TEX22: variants seen among roughly 807,000 people sequenced by gnomAD.
TEX22 encodes the protein testis expressed 22, also known as testis-expressed protein 22.
Under a neutral mutation model 11.3 loss-of-function variants are expected in TEX22, and 16 were observed. That is an observed-to-expected ratio of 1.42 (90% CI 0.96 to 2.15). The LOEUF is 2.15. Ranked by LOEUF, TEX22 falls within the 30% of genes most tolerant of loss-of-function variation. The probability of loss-of-function intolerance (pLI) is 0.00; values close to 1 mark genes in which losing one functional copy is unlikely to be tolerated. For missense variants in TEX22, 220 were observed against 208.6 expected, an observed-to-expected ratio of 1.05 and a Z score of -0.34; for synonymous variants, 97 against 92.3, an observed-to-expected ratio of 1.05 and a Z score of -0.29.
chr14:105,399,198 C>G (rs1444491534), intron 1 of TEX22, 104 bp from the exon 2 acceptor site: 1 of 675,128 alleles, frequency 1.5e-6, no homozygotes, highest in Non-Finnish European at 2.5e-6. Context: ...GTGACCCTAG[C>G]AGACCGCGAT....
At chr14:105,407,069 A>ATTTTT (rs10715186) in intron 2 of TEX22, among the ~76,000 whole-genome samples, 1 of 116,172 alleles carries the variant, frequency 8.6e-6, no homozygotes, top group African/African-American at 3.0e-5. Flanking sequence ...TAATTTCTTA[A>ATTTTT]TTTTTTTTTT....
At chr14:105,410,006 C>T (rs1181551224) in intron 2 of TEX22, among the ~76,000 whole-genome samples, 1 of 152,142 alleles carries the variant, frequency 6.6e-6, no homozygotes, top group African/African-American at 2.4e-5. Flanking sequence ...TGGCCTCAAG[C>T]GATCCTCCTG....
rs1013648950 is a variant in TEX22 at position 105,412,022 on chromosome 14, T to C, written c.*189T>C. 2.0e-6 allele frequency: 1 copy of C among 510,864 alleles called. No individual in the cohort carries two copies. The highest frequency in any genetic ancestry group is 3.5e-5 in the South Asian group (1 of 28,894). 31.6% of individuals were successfully genotyped at this position (510,864 alleles called of 1,614,324 possible). On this transcript the variant is annotated 3_prime_UTR_variant, in exon 4 of 4. Coordinates refer to ENST00000451127, the MANE Select transcript of TEX22 (RefSeq NM_001195082.2). This position sits in a 1 kb window ranked among gnomAD's most constrained non-coding sequence, Gnocchi z 5.8. Reference sequence around the variant, plus strand: ...AGGCCTTGGAGACCGGGCTAGGGGCTATGGGAGGCCATCTAGGGGAGGGGA... The same window carrying C: ...AGGCCTTGGAGACCGGGCTAGGGGCCATGGGAGGCCATCTAGGGGAGGGGA...
Position 105,402,615 on chromosome 14 carries a change from G to C in TEX22, c.150+3125G>C, listed in dbSNP as rs1186485850. On this transcript the variant is annotated intron_variant, in intron 2 of 3. Coordinates refer to ENST00000451127, the MANE Select transcript of TEX22 (RefSeq NM_001195082.2). ...TAAAAAATACAAAAAAATTAGCCGG[G>C]CGTGGTGGCGGGCGCCTGTAGTCCC... Among the ~76,000 whole-genome samples the C allele has an allele frequency of 2.6e-5, 4 of 152,122 alleles. No individual in the cohort carries two copies. The South Asian group carries it at 8.3e-4, about 32-fold the overall frequency.
chr14:105,409,817 C>T (rs1166615275), intron 2 of TEX22, among the ~76,000 whole-genome samples: 1 of 149,756 alleles, frequency 6.7e-6, no homozygotes. Flanking sequence ...TACTCTGTCA[C>T]CCAGGCTGGA....
chr14:105,411,525 C>CCTGG, intron 3 of TEX22, 29 bp downstream of exon 3: 1 of 1,056,558 alleles, frequency 9.5e-7, no homozygotes, highest in Non-Finnish European at 1.2e-6. Flanking sequence ...CTCCCCGCCC[C>CCTGG]GTCCCCGCCC....
At chr14:105,408,246 CTTT>C (rs782360783) in intron 2 of TEX22, among the ~76,000 whole-genome samples, 4 of 143,282 alleles carry the variant, frequency 2.8e-5, no homozygotes, top group Non-Finnish European at 3.1e-5. Flanking sequence ...TTCTTTCTTC[CTTT>C]TTTTTTTTTT....
At chr14:105,410,699 G>A (rs1269605176) in intron 2 of TEX22, among the ~76,000 whole-genome samples, 1 of 152,222 alleles carries the variant, frequency 6.6e-6, no homozygotes, top group East Asian at 1.9e-4. Context: ...CCCCTGGTGA[G>A]GGAGGTGGAG....
chr14:105,404,424 T>G (rs587767870), intron 2 of TEX22, among the ~76,000 whole-genome samples: 143 of 152,290 alleles, frequency 9.4e-4, no homozygotes, highest in African/African-American at 3.4e-3. Flanking sequence ...CTATTTAGTG[T>G]GAGAGGGGAC....
At chr14:105,402,537 A>G (rs370822776) in intron 2 of TEX22, among the ~76,000 whole-genome samples, 8,607 of 149,392 alleles carry the variant, frequency 0.058, 571 homozygotes, top group African/African-American at 0.17. Flanking sequence ...GGCAGATCAC[A>G]AGGTCTGGAG....
At chr14:105,408,343 G>A (rs1555419019) in intron 2 of TEX22, among the ~76,000 whole-genome samples, 3 of 151,928 alleles carry the variant, frequency 2.0e-5, no homozygotes, top group Non-Finnish European at 2.9e-5. Context: ...CGGGGTTCAA[G>A]TGGTTCTCCT....
At chr14:105,408,326 C>G (rs1189720394) in intron 2 of TEX22, among the ~76,000 whole-genome samples, 2 of 151,962 alleles carry the variant, frequency 1.3e-5, no homozygotes, top group Non-Finnish European at 2.9e-5. Context: ...ACTGCAACCT[C>G]CGCCTCCGGG....
intron 2 of TEX22, among the ~76,000 whole-genome samples, chr14:105,410,752 C>T (rs587713968): frequency 9.9e-5 from 15 of 152,250 alleles, no homozygotes; most frequent in Non-Finnish European, 1.8e-4. Context: ...GGAACCGTCT[C>T]CTGCAGCCCA....
chr14:105,407,591 C>T (rs2081664959), intron 2 of TEX22, among the ~76,000 whole-genome samples: 2 of 152,150 alleles, frequency 1.3e-5, no homozygotes, highest in African/African-American at 4.8e-5. Flanking sequence ...TGGTCTCGAA[C>T]TTCTCTGCTG....
chr14:105,401,630 C>T lies in TEX22; in HGVS notation c.150+2140C>T, dbSNP rs587639471. 2.4e-4 allele frequency among the ~76,000 whole-genome samples: 36 copies of T among 151,426 alleles called. No individual in the cohort carries two copies. The South Asian group carries it at 4.0e-3, about 17-fold the overall frequency. ...ATAGCATTAGGAGATACACCTAATG[C>T]TAAATGACGAGTTAATGGGTGCAGC... On this transcript the variant is annotated intron_variant, in intron 2 of 3. Transcript: ENST00000451127.
intron 3 of TEX22, 29 bp downstream of exon 3, chr14:105,411,525 C>CGGGGGG: frequency 9.5e-7 from 1 of 1,056,544 alleles, no homozygotes; most frequent in Non-Finnish European, 1.2e-6. Context: ...CTCCCCGCCC[C>CGGGGGG]GTCCCCGCCC....
intron 2 of TEX22, among the ~76,000 whole-genome samples, chr14:105,400,513 A>T (rs1456492426): frequency 6.6e-6 from 1 of 152,146 alleles, no homozygotes; most frequent in Non-Finnish European, 1.5e-5. Context: ...TGTCCTGCAC[A>T]GGGCTGGGGA....
At chr14:105,406,198 G>C (rs999773231) in intron 2 of TEX22, among the ~76,000 whole-genome samples, 1 of 152,200 alleles carries the variant, frequency 6.6e-6, no homozygotes, top group African/African-American at 2.4e-5. Context: ...ATCTGGAAGT[G>C]ATAAGTGCCT....
In TEX22 at chr14:105,399,348, G is replaced by A. The variant is rs1555418113; in HGVS notation, c.8G>A (p.Ser3Asn). MD[S>N]RKLSPRGKKL... ...AGCCTACTAGGGCTAGAGATGGACA[G>A]CAGGAAACTGTCCCCCCGGGGGAAG... Residue 3 changes from serine to asparagine, a missense_variant, in exon 2 of 4, where the codon AGC becomes AAC. Transcript: ENST00000451127. 1.3e-6 allele frequency: 2 copies of A among 1,533,232 alleles called. No homozygotes were observed. The highest frequency in any genetic ancestry group is 3.9e-5 in the Admixed American group (2 of 50,908). The allele number at this position is 1,533,232 out of a possible 1,614,324, so 95.0% of individuals were successfully genotyped here. A position where few individuals can be genotyped will look rare whatever the true frequency, so the allele number is the denominator to read the frequency against.
Sources: allele counts gnomAD v4.1 joint callset (sites outside exome capture counted in the v4.1 genomes callset), GRCh38; gene constraint gnomAD v4.1.1; non-coding constraint Gnocchi (gnomAD v3.1); transcripts MANE v1.5; gene names NCBI Gene and HGNC (gene_info 2026-07-23, HGNC 2026-07-21).